Variants in PIWIL1 observed in about 807,000 individuals in gnomAD.
PIWIL1 encodes piwi like RNA-mediated gene silencing 1, also known as piwi-like protein 1.
PIWIL1 carries 73 observed loss-of-function variants against 114.4 expected under a neutral mutation model. The ratio of observed to expected loss-of-function variants is 0.64; its 90% confidence interval spans 0.53 to 0.78. The LOEUF (loss-of-function observed/expected upper bound fraction) is 0.78, where lower values mean the gene tolerates loss of function less well. PIWIL1 is among the 30% of genes least tolerant of loss of function. PIWIL1 has a pLI of 0.00. For missense variants in PIWIL1, 723 were observed against 1,063.1 expected (o/e 0.68, Z 4.45); for synonymous variants, 375 against 369.0 (o/e 1.02, Z -0.19).
chr12:130,390,047 C>T, the PIWIL1 span, among the ~76,000 whole-genome samples: 1 of 152,172 alleles, frequency 6.6e-6, no homozygotes, highest in Admixed American at 6.5e-5. Flanking sequence ...CTAACATGAA[C>T]CCCAAGTTTT....
chr12:130,358,354 C>T (rs563188330), intron 14 of PIWIL1, among the ~76,000 whole-genome samples: 1 of 152,278 alleles, frequency 6.6e-6, no homozygotes, highest in South Asian at 2.1e-4. Context: ...TTGTTGTAAT[C>T]TGTAGCGCAG....
chr12:130,424,757 C>A, the PIWIL1 span: 4 of 1,232,412 alleles, frequency 3.2e-6, no homozygotes, highest in Non-Finnish European at 4.0e-6. The surrounding 1 kb of genome is among the most constrained non-coding windows in gnomAD (Gnocchi z 9.8). Context: ...CGTCCTCTTC[C>A]GCTACTTCGG....
chr12:130,412,893 TAG>T, the PIWIL1 span: 1 of 1,093,360 alleles, frequency 9.1e-7, no homozygotes, highest in Non-Finnish European at 1.3e-6. Flanking sequence ...ATTTTAAATA[TAG>T]TTTAAAAATA....
intron 1 of PIWIL1, among the ~76,000 whole-genome samples, chr12:130,340,646 T>TGGGGGGGGGGG (rs143005039): frequency 4.1e-5 from 3 of 72,862 alleles, no homozygotes; most frequent in Non-Finnish European, 2.6e-5. Flanking sequence ...GGAGGGGGGG[T>TGGGGGGGGGGG]GGGGGGAGGG....
chr12:130,372,625 AAAAAAAAAAAAAAAGC>A (rs1272085749), exon 21 of PIWIL1: 18 of 126,422 alleles, frequency 1.4e-4, no homozygotes, highest in Non-Finnish European at 2.6e-4. Context: ...AAAAAAAAAA[AAAAAAAAAAAAAAAGC>A]TCAATTAGTG....
At position 130,354,583 on chromosome 12, in the gene PIWIL1, G is replaced by A. The variant is rs756278220; in HGVS notation, c.1091G>A (p.Ser364Asn). Residue 364 changes from serine (S) to asparagine (N), a missense_variant, in exon 10 of 21, where the codon AGC (serine) becomes AAC (asparagine). Transcript: ENST00000245255. ...GACTTGAAGCAGCCTGTCTTGGTCA[G>A]CCAGCCCAAGAGAAGGCGGGGCCCT... ...ITDLKQPVLV[S>N]QPKRRRGPGG... 1 of 1,613,992 alleles carries A rather than the reference G, an allele frequency of 6.2e-7. No individual in the cohort carries two copies. The highest frequency in any genetic ancestry group is 1.1e-5 in the South Asian group (1 of 91,008).
the PIWIL1 span, among the ~76,000 whole-genome samples, chr12:130,401,771 C>A: frequency 6.6e-6 from 1 of 152,102 alleles, no homozygotes; most frequent in Non-Finnish European, 1.5e-5. Context: ...TCAAGTCCCC[C>A]CTCATTAGGT....
chr12:130,372,447 A>G lies in PIWIL1; in HGVS notation c.*849A>G, dbSNP rs372683874. 6.6e-6 allele frequency: 1 copy of G among 152,184 alleles called. No homozygotes were observed. Among genetic ancestry groups the G allele is most frequent in the East Asian group, 1.9e-4 (1 of 5,184 alleles). 9.4% of individuals were successfully genotyped at this position (152,184 alleles called of 1,614,324 possible). On this transcript the variant is annotated 3_prime_UTR_variant, in exon 21 of 21. Transcript: ENST00000245255. ...AAATTAGCCTGACCAACATGGTGAA[A>G]CCCCATCTCTACTAAAAATACAAAA...
chr12:130,339,847 C>G (rs2072853195), intron 1 of PIWIL1: 1 of 152,238 alleles, frequency 6.6e-6, no homozygotes, highest in Admixed American at 6.5e-5. Context: ...CCAGCCAGTC[C>G]AGATGCTGCC....
At chr12:130,416,944 A>T in the PIWIL1 span, among the ~76,000 whole-genome samples, 1 of 152,036 alleles carries the variant, frequency 6.6e-6, no homozygotes, top group East Asian at 1.9e-4. Flanking sequence ...AGATAATAAA[A>T]TATAAATAAA....
the PIWIL1 span, among the ~76,000 whole-genome samples, chr12:130,384,735 C>G: frequency 6.6e-6 from 1 of 152,184 alleles, no homozygotes; most frequent in Non-Finnish European, 1.5e-5. Flanking sequence ...AAACCTTGGT[C>G]ATAGAAAACC....
chr12:130,424,243 G>C, the PIWIL1 span: 1 of 1,231,978 alleles, frequency 8.1e-7, no homozygotes, highest in Non-Finnish European at 1.0e-6. The surrounding 1 kb of genome is among the most constrained non-coding windows in gnomAD (Gnocchi z 9.8). Flanking sequence ...CGAAAATCTT[G>C]GTGCTCGGTG....
chr12:130,378,116 A>G, the PIWIL1 span, among the ~76,000 whole-genome samples: 1 of 152,198 alleles, frequency 6.6e-6, no homozygotes, highest in Admixed American at 6.5e-5. Context: ...CAAGTTTTAG[A>G]GAATGCCTAT....
chr12:130,369,104 G>C (rs2073749128), intron 19 of PIWIL1, among the ~76,000 whole-genome samples: 1 of 152,084 alleles, frequency 6.6e-6, no homozygotes, highest in African/African-American at 2.4e-5. Context: ...ATGTTCATGT[G>C]TTCTCATTGT....
At chr12:130,391,636 A>T in the PIWIL1 span, among the ~76,000 whole-genome samples, 3 of 152,192 alleles carry the variant, frequency 2.0e-5, no homozygotes, top group Non-Finnish European at 2.9e-5. Flanking sequence ...CGGAATGGTC[A>T]CGAGGCTGGA....
chr12:130,405,642 G>A, the PIWIL1 span, among the ~76,000 whole-genome samples: 1 of 149,304 alleles, frequency 6.7e-6, no homozygotes, highest in East Asian at 2.0e-4. Flanking sequence ...GGGTGGCTCT[G>A]AGGTCCCTGC....
chr12:130,359,640 G>T (rs35893781), intron 14 of PIWIL1, among the ~76,000 whole-genome samples: 6,824 of 152,240 alleles, frequency 0.045, 217 homozygotes, highest in African/African-American at 0.094. Context: ...TAGCAGAGTT[G>T]GTTGGTTATT....
the PIWIL1 span, chr12:130,406,092 AC>A: frequency 2.2e-6 from 2 of 901,026 alleles, no homozygotes; most frequent in Non-Finnish European, 3.6e-6. Context: ...AAGAGAAGGA[AC>A]GGACTAGCAA....
Position 130,352,711 on chromosome 12 carries a change from A to G in PIWIL1, c.1045-1826A>G, listed in dbSNP as rs185361494. Among the ~76,000 whole-genome samples, 14 of 152,302 alleles carry G rather than the reference A, an allele frequency of 9.2e-5. No individual in the cohort carries two copies. In the East Asian group the frequency reaches 2.5e-3, roughly 27 times the overall value. ...ATGAATGAATGACAGGCTGTTTGGC[A>G]CCTAAGAATATAAAAGTGGAGGGGG... On this transcript the variant is annotated intron_variant, in intron 9 of 20. Transcript: ENST00000245255.
Sources: allele counts gnomAD v4.1 joint callset (sites outside exome capture counted in the v4.1 genomes callset), GRCh38; gene constraint gnomAD v4.1.1; non-coding constraint Gnocchi (gnomAD v3.1); transcripts MANE v1.5; gene names NCBI Gene and HGNC (gene_info 2026-07-23, HGNC 2026-07-21).